EDEM3: variants seen among roughly 807,000 people sequenced by gnomAD.
EDEM3 encodes ER degradation enhancing alpha-mannosidase like protein 3.
EDEM3 carries 60 observed loss-of-function variants against 110.2 expected under a neutral mutation model. The observed-to-expected ratio is 0.54, with a 90% CI of 0.44 to 0.67. The LOEUF (loss-of-function observed/expected upper bound fraction) is 0.67, where lower values mean the gene tolerates loss of function less well. EDEM3 is among the 30% of genes least tolerant of loss of function. The pLI is 0.00. For missense variants in EDEM3, 996 were observed against 1,121.0 expected (o/e 0.89, Z 1.59); for synonymous variants, 352 against 382.9 (o/e 0.92, Z 0.94).
chr1:184,721,353 T>A lies in EDEM3; in HGVS notation c.887A>T (p.Tyr296Phe). 1 of 1,608,122 alleles carries A rather than the reference T, an allele frequency of 6.2e-7. No homozygotes were observed. Among genetic ancestry groups the A allele is most frequent in the Non-Finnish European group, 8.5e-7 (1 of 1,177,976 alleles). ...SGVGAGIDSY[Y>F]EYLLKAYVLL... Reference sequence around the variant, plus strand: ...GACATAGGCTTTCAACAGATATTCATAATATGAATCAATCCCTGCTCCAAC... The same window carrying A: ...GACATAGGCTTTCAACAGATATTCAAAATATGAATCAATCCCTGCTCCAAC... The change falls in exon 9 of 20, where the codon TAT (tyrosine) becomes TTT (phenylalanine). Residue 296 changes from tyrosine (Y) to phenylalanine (F), a missense_variant. Coordinates refer to ENST00000318130, the MANE Select transcript of EDEM3 (RefSeq NM_025191.4).
At chr1:184,718,349 A>C (rs982172218) in intron 11 of EDEM3, among the ~76,000 whole-genome samples, 2 of 152,128 alleles carry the variant, frequency 1.3e-5, no homozygotes, top group African/African-American at 4.8e-5. Context: ...ATGGGAGCTA[A>C]ATAAAAATTT....
rs1649706954 is a variant in EDEM3, at chr1:184,702,898, A to G, written c.2302T>C (p.Phe768Leu). 1.9e-6 allele frequency: 3 copies of G among 1,613,662 alleles called. No homozygotes were observed. Among genetic ancestry groups the G allele is most frequent in the South Asian group, 2.2e-5 (2 of 91,072 alleles). Residue 768 changes from phenylalanine (F) to leucine (L), a missense_variant, in exon 19 of 20, where the codon TTC (phenylalanine) becomes CTC (leucine). By Grantham distance (22) the Phe-to-Leu change is conservative. Transcript: ENST00000318130. ...DDIKIPMLFL[F>L]SKEGSIILDA... ...AGTATGATACTTCCTTCTTTGCTGA[A>G]TAAGAACAGCATGGGGATCTTGATG... is the stretch of plus-strand genomic sequence containing the variant.
At chr1:184,698,419 T>C (rs1021879110) in intron 19 of EDEM3, among the ~76,000 whole-genome samples, 1 of 151,854 alleles carries the variant, frequency 6.6e-6, no homozygotes, top group African/African-American at 2.4e-5. Context: ...TATGGTACAG[T>C]GATAATGCAA....
chr1:184,731,020 A>G (rs1651481446), intron 6 of EDEM3, among the ~76,000 whole-genome samples: 1 of 152,210 alleles, frequency 6.6e-6, no homozygotes, highest in South Asian at 2.1e-4. Context: ...ACTCAATACA[A>G]TAAAAAGAGC....
At chr1:184,728,599 A>G (rs1410207586) in intron 6 of EDEM3, among the ~76,000 whole-genome samples, 1 of 151,826 alleles carries the variant, frequency 6.6e-6, no homozygotes, top group Non-Finnish European at 1.5e-5. Flanking sequence ...GTGGTATTAA[A>G]CAACTTTTTT....
At chr1:184,715,051 G>A (rs1252422810) in intron 13 of EDEM3, among the ~76,000 whole-genome samples, 1 of 152,202 alleles carries the variant, frequency 6.6e-6, no homozygotes, top group Non-Finnish European at 1.5e-5. Context: ...CAATGAAGCA[G>A]TGGTCCTCAA....
intron 1 of EDEM3, among the ~76,000 whole-genome samples, chr1:184,750,299 G>A (rs903612450): frequency 6.6e-6 from 1 of 152,120 alleles, no homozygotes; most frequent in Non-Finnish European, 1.5e-5. Context: ...CAAAATCTCC[G>A]TAACCACTGT....
chr1:184,727,058 A>C (rs1220566657), intron 6 of EDEM3, among the ~76,000 whole-genome samples: 5 of 152,198 alleles, frequency 3.3e-5, no homozygotes, highest in Non-Finnish European at 5.9e-5. Flanking sequence ...TTGTGAGGCC[A>C]AGGCGAGTGG....
intron 2 of EDEM3, among the ~76,000 whole-genome samples, chr1:184,739,272 TTTAA>T (rs1260643269): frequency 6.7e-6 from 1 of 148,924 alleles, no homozygotes; most frequent in Admixed American, 6.7e-5. Flanking sequence ...TTAAATTAAT[TTTAA>T]TTAAATTCAT....
At chr1:184,751,282 A>G (rs1392568662) in intron 1 of EDEM3, among the ~76,000 whole-genome samples, 2 of 152,082 alleles carry the variant, frequency 1.3e-5, no homozygotes, top group East Asian at 3.8e-4. Flanking sequence ...ATATCAATGA[A>G]TGGAAGATGG....
chr1:184,732,337 TAGGG>T lies in EDEM3; in HGVS notation c.612+496_612+499del, dbSNP rs137937317. The stretch of plus-strand genomic sequence containing the variant: ...AAGGGTAGGTGGTGGGGATGGGGAA[TAGGG>T]AGGGGATGGTTAACGGGTATAGAAA... On this transcript the variant is annotated intron_variant, in intron 6 of 19. Coordinates refer to ENST00000318130, the MANE Select transcript of EDEM3 (RefSeq NM_025191.4). 2.8e-3 allele frequency among the ~76,000 whole-genome samples: 431 copies of T among 151,994 alleles called. 5 individuals carry two copies. The East Asian group carries it at 0.035, about 12-fold the overall frequency.
At chr1:184,711,103 A>T (rs1165810759) in intron 15 of EDEM3, among the ~76,000 whole-genome samples, 1 of 148,078 alleles carries the variant, frequency 6.8e-6, no homozygotes, top group Non-Finnish European at 1.5e-5. Context: ...ACAAAAGGAA[A>T]TTTTTTTTTT....
chr1:184,716,830 G>T, intron 13 of EDEM3, 58 bp downstream of exon 13: 1 of 1,583,742 alleles, frequency 6.3e-7, no homozygotes, highest in Non-Finnish European at 8.6e-7. Context: ...AATGGTAGCT[G>T]CATTTTGTGT....
intron 19 of EDEM3, 60 bp from the exon 20 acceptor site, chr1:184,694,532 T>C (rs916572219): frequency 6.9e-7 from 1 of 1,452,378 alleles, no homozygotes; most frequent in African/African-American, 1.4e-5. Context: ...TATTACACTT[T>C]CCAAAGCATA....
Position 184,719,170 on chromosome 1 carries a change from GA to G in EDEM3, c.1152del (p.Leu385TyrfsTer18). On this transcript the variant is annotated frameshift_variant, in exon 11 of 20. Coordinates refer to ENST00000318130, the MANE Select transcript of EDEM3 (RefSeq NM_025191.4). LOFTEE classifies it high-confidence loss of function. ...MLYQVIKKHN[F>X]LPEAFTTDFR... ...AAAAATTATTTGCTTACCTCTGGTA[GA>G]AAATTGTGTTTTTTAATCACCTGAT... 1 of 1,564,414 alleles carries G rather than the reference GA, an allele frequency of 6.4e-7. No individual in the cohort carries two copies. The highest frequency in any genetic ancestry group is 8.6e-7 in the Non-Finnish European group (1 of 1,159,150).
intron 2 of EDEM3, among the ~76,000 whole-genome samples, chr1:184,741,991 T>C (rs1652169236): frequency 2.0e-5 from 3 of 151,758 alleles, no homozygotes; most frequent in Non-Finnish European, 1.5e-5. Context: ...TGAATGTCCA[T>C]ATGATTCTTA....
chr1:184,706,994 T>C (rs939284123), intron 17 of EDEM3, among the ~76,000 whole-genome samples, 186 bp from the exon 18 acceptor site: 8 of 152,202 alleles, frequency 5.3e-5, no homozygotes, highest in African/African-American at 1.9e-4. Flanking sequence ...TCAACCAATA[T>C]TTCTAGTGTG....
rs1277769886 is a variant in EDEM3, at chr1:184,692,380, T to C, written c.*1683A>G. ...TTTTTCCCCTCCCCAAAGTGAATTC[T>C]CCATCAGATTTACTACTCCCTGACT... is the stretch of plus-strand genomic sequence containing the variant. On this transcript the variant is annotated 3_prime_UTR_variant, in exon 20 of 20. Coordinates refer to ENST00000318130, the MANE Select transcript of EDEM3 (RefSeq NM_025191.4). 1.3e-5 allele frequency: 2 copies of C among 152,114 alleles called. No homozygotes were observed. Among genetic ancestry groups the C allele is most frequent in the African/African-American group, 4.8e-5 (2 of 41,434 alleles). The allele number at this position is 152,114 out of a possible 1,614,324, so 9.4% of individuals were successfully genotyped here. A position where few individuals can be genotyped will look rare whatever the true frequency, so the allele number is the denominator to read the frequency against.
intron 6 of EDEM3, among the ~76,000 whole-genome samples, chr1:184,732,323 G>A (rs538982332): frequency 5.3e-5 from 8 of 152,158 alleles, no homozygotes; most frequent in African/African-American, 1.9e-4. Flanking sequence ...AGGGTAGGTG[G>A]TGGGGATGGG....
Sources: gnomAD v4.1 joint callset for allele counts (sites outside exome capture counted in the v4.1 genomes callset) on GRCh38, gnomAD v4.1.1 for gene constraint, MANE v1.5 for transcripts, NCBI Gene and HGNC (gene_info 2026-07-23, HGNC 2026-07-21) for gene names.